Variants in KARS1 observed in about 807,000 individuals in gnomAD.
KARS1 encodes the protein lysine--tRNA ligase.
Under a neutral mutation model 63.9 loss-of-function variants are expected in KARS1, and 50 were observed. That is an observed-to-expected ratio of 0.78 (90% confidence interval 0.62 to 0.99). The LOEUF is 0.99. KARS1 is among the 50% of genes least tolerant of loss of function. KARS1 has a pLI of 0.00. For missense variants in KARS1, 816 were observed against 754.5 expected (o/e 1.08, Z -0.95); for synonymous variants, 320 against 264.6 (o/e 1.21, Z -2.03).
intron 1 of KARS1, 34 bp downstream of exon 1, chr16:75,647,544 C>A (rs1486119660): frequency 1.2e-6 from 2 of 1,603,284 alleles, no homozygotes; most frequent in South Asian, 2.2e-5. Context: ...ACTCTCCTAC[C>A]GCAAAGGCTT....
intron 3 of KARS1, among the ~76,000 whole-genome samples, chr16:75,637,571 T>C (rs1196870230): frequency 2.0e-5 from 3 of 149,874 alleles, no homozygotes; most frequent in Admixed American, 6.6e-5. Context: ...AGGCTGGGAG[T>C]TCAAGACCAG....
intron 11 of KARS1, 36 bp from the exon 12 acceptor site, chr16:75,629,577 G>C: frequency 4.3e-6 from 7 of 1,612,406 alleles, no homozygotes; most frequent in Non-Finnish European, 5.9e-6. Flanking sequence ...GCTGAATATA[G>C]AGGCCCCTAA....
chr16:75,644,394 C>T, intron 1 of KARS1: 2 of 1,612,592 alleles, frequency 1.2e-6, no homozygotes, highest in Non-Finnish European at 1.7e-6. Context: ...GCGCAGGGAC[C>T]CCCTAACAAG....
chr16:75,642,760 G>C (rs201873582), intron 1 of KARS1: 2 of 152,184 alleles, frequency 1.3e-5, no homozygotes, highest in South Asian at 2.1e-4. Context: ...TACCATCTTT[G>C]TAGTCAGGCT....
chr16:75,641,777 G>A, intron 1 of KARS1, 54 bp from the exon 2 acceptor site: 2 of 1,583,922 alleles, frequency 1.3e-6, no homozygotes, highest in Non-Finnish European at 1.7e-6. Flanking sequence ...AGTCCTCTAT[G>A]TTCTGCCCCT....
intron 10 of KARS1, 139 bp downstream of exon 10, chr16:75,631,029 T>C: frequency 1.4e-6 from 1 of 713,130 alleles, no homozygotes; most frequent in Non-Finnish European, 2.5e-6. Context: ...AAAAGTCTGT[T>C]AATTCTCTTG....
intron 7 of KARS1, among the ~76,000 whole-genome samples, chr16:75,632,180 G>A (rs997112599): frequency 1.2e-4 from 19 of 152,158 alleles, no homozygotes; most frequent in Admixed American, 2.6e-4. Context: ...ATGAGCCACC[G>A]CGCCCGGCCC....
intron 1 of KARS1, among the ~76,000 whole-genome samples, chr16:75,643,953 A>G (rs2082252886): frequency 6.6e-6 from 1 of 152,228 alleles, no homozygotes; most frequent in African/African-American, 2.4e-5. Flanking sequence ...GATAGCACTA[A>G]GACTAGAAAC....
chr16:75,635,266 T>A, intron 6 of KARS1: 1 of 311,680 alleles, frequency 3.2e-6, no homozygotes, highest in Non-Finnish European at 6.3e-6. Context: ...GAAGGATACA[T>A]ATCAAACTCA....
chr16:75,628,876 C>T (rs969266815), intron 12 of KARS1, 164 bp from the exon 13 acceptor site: 4 of 751,434 alleles, frequency 5.3e-6, no homozygotes, highest in Non-Finnish European at 6.9e-6. Context: ...AAGATGCAGC[C>T]GTTTCTTTCA....
intron 3 of KARS1, among the ~76,000 whole-genome samples, chr16:75,639,433 G>C (rs146351931): frequency 0.044 from 6,655 of 152,088 alleles, 172 homozygotes; most frequent in African/African-American, 0.055. Context: ...TTAGCCGGGC[G>C]TGGTGGCAGG....
chr16:75,636,320 C>G lies in KARS1; in HGVS notation c.482+134G>C, dbSNP rs2082161250. 10 of 795,228 alleles carry G rather than the reference C, an allele frequency of 1.3e-5. No individual in the cohort carries two copies. The Admixed American group carries it at 1.8e-4, about 14-fold the overall frequency. The allele number at this position is 795,228 out of a possible 1,614,324, so 49.3% of individuals were successfully genotyped here. On this transcript the variant is annotated intron_variant, in intron 4 of 13. Transcript: ENST00000302445. ...CAGGTGACCAGGTGGCCACATTATC[C>G]TCTTCTCAGCCTTCCCCAACCATGT... is the stretch of plus-strand genomic sequence containing the variant.
At chr16:75,646,737 C>T (rs1029892644) in intron 1 of KARS1, among the ~76,000 whole-genome samples, 6 of 151,570 alleles carry the variant, frequency 4.0e-5, no homozygotes, top group Non-Finnish European at 8.8e-5. Flanking sequence ...ACCTCCGCCT[C>T]CTGGGTTAAA....
In KARS1 at chr16:75,647,565, C is replaced by T; in HGVS notation, c.62+13G>A. 1 of 1,612,012 alleles carries T rather than the reference C, an allele frequency of 6.2e-7. No homozygotes were observed. Among genetic ancestry groups the T allele is most frequent in the Non-Finnish European group, 8.5e-7 (1 of 1,178,858 alleles). Reference sequence around the variant, plus strand: ...CTACCGCAAAGGCTTTAAAGACTCGCAGCGACACTCACTTCTTGCTCAGTT... The same window carrying T: ...CTACCGCAAAGGCTTTAAAGACTCGTAGCGACACTCACTTCTTGCTCAGTT... On this transcript the variant is annotated intron_variant, in intron 1 of 13. Coordinates refer to ENST00000302445, the MANE Select transcript of KARS1 (RefSeq NM_005548.3).
Position 75,628,609 on chromosome 16 carries a change from T to C in KARS1, c.1655A>G (p.Asp552Gly). The change falls in exon 13 of 14, where the codon GAT (aspartate) becomes GGT (glycine). Residue 552 changes from aspartate to glycine, a missense_variant. Coordinates refer to ENST00000302445, the MANE Select transcript of KARS1 (RefSeq NM_005548.3). ...GTCCGTGAGAAACATGGCGACTCGA[T>C]CAATGCCCATGCCCCAGCCAGCTGT... ...PPTAGWGMGIDRVAMFLTDSN... is the reference protein window; with the variant it reads ...PPTAGWGMGIGRVAMFLTDSN... 6.2e-7 allele frequency: 1 copy of C among 1,614,078 alleles called. No individual in the cohort carries two copies. The highest frequency in any genetic ancestry group is 8.5e-7 in the Non-Finnish European group (1 of 1,180,020).
intron 12 of KARS1, chr16:75,629,114 C>T: frequency 4.2e-6 from 2 of 473,036 alleles, no homozygotes; most frequent in Middle Eastern, 6.3e-4. Flanking sequence ...ACCTACCTCC[C>T]AGCCCTAAGC....
chr16:75,647,414 G>T, intron 1 of KARS1, 164 bp downstream of exon 1: 1 of 723,410 alleles, frequency 1.4e-6, no homozygotes, highest in Non-Finnish European at 2.4e-6. Flanking sequence ...GGGGTATCCC[G>T]GGGTACGTGG....
At chr16:75,630,542 T>C (rs985405469) in intron 10 of KARS1, 34 bp from the exon 11 acceptor site, 2 of 1,357,392 alleles carry the variant, frequency 1.5e-6, no homozygotes, top group Non-Finnish European at 2.1e-6. Flanking sequence ...TCAGTCACCA[T>C]TTCTGAATAG....
chr16:75,644,226 C>A lies in KARS1; in HGVS notation c.63-2503G>T, dbSNP rs2082255723. The A allele has an allele frequency of 4.0e-6, 6 of 1,496,710 alleles. No individual in the cohort carries two copies. The Admixed American group carries it at 1.2e-4, about 29-fold the overall frequency. The allele number at this position is 1,496,710 out of a possible 1,614,324, so 92.7% of individuals were successfully genotyped here. A position where few individuals can be genotyped will look rare whatever the true frequency, so the allele number is the denominator to read the frequency against. On this transcript the variant is annotated intron_variant, in intron 1 of 13. Coordinates refer to ENST00000302445, the MANE Select transcript of KARS1 (RefSeq NM_005548.3). ...AGCCAGAGGCTTAACGGAAAATGAA[C>A]CAAGTAAGGAAATAATTTTTGCTTC...
Sources: allele counts gnomAD v4.1 joint callset (sites outside exome capture counted in the v4.1 genomes callset), GRCh38; gene constraint gnomAD v4.1.1; transcripts MANE v1.5; gene names NCBI Gene and HGNC (gene_info 2026-07-23, HGNC 2026-07-21).